The following LRRC4C variants were observed in gnomAD, a reference collection of about 807,000 sequenced individuals.
The protein encoded by LRRC4C is leucine-rich repeat-containing protein 4C.
Under a neutral mutation model 33.6 loss-of-function variants are expected in LRRC4C, and 5 were observed. The observed-to-expected ratio is 0.15, with a 90% CI of 0.08 to 0.31. LRRC4C has a LOEUF of 0.31. Among genes scored for constraint, LRRC4C ranks in the 10% least tolerant of loss-of-function variants. LRRC4C has a pLI of 1.00. For synonymous variants in LRRC4C, 329 were observed against 302.0 expected, an observed-to-expected ratio of 1.09 and a Z score of -0.93; for missense variants, 560 against 796.7, an observed-to-expected ratio of 0.70 and a Z score of 3.58.
chr11:41,438,070 TAATA>T (rs1955497166), intron 1 of LRRC4C, among the ~76,000 whole-genome samples: 2 of 148,558 alleles, frequency 1.3e-5, no homozygotes, highest in African/African-American at 5.0e-5. Context: ...AATAAATAAA[TAATA>T]AAAAAAAATA....
intron 2 of LRRC4C, among the ~76,000 whole-genome samples, chr11:40,735,270 C>G (rs1947799595): frequency 6.6e-6 from 1 of 152,006 alleles, no homozygotes; most frequent in Admixed American, 6.6e-5. Context: ...ATTAACTCGT[C>G]ATTTAGCATT....
At chr11:40,701,476 A>G (rs1462496657) in intron 2 of LRRC4C, among the ~76,000 whole-genome samples, 4 of 151,798 alleles carry the variant, frequency 2.6e-5, no homozygotes, top group Non-Finnish European at 5.9e-5. Flanking sequence ...TTATATTTTT[A>G]TTTGTCCTGG....
chr11:40,655,734 T>A (rs989173746), intron 2 of LRRC4C, among the ~76,000 whole-genome samples: 8 of 152,096 alleles, frequency 5.3e-5, no homozygotes, highest in Non-Finnish European at 5.9e-5. Context: ...ATTTGGCAGA[T>A]CTCAAAATCT....
chr11:41,268,839 C>T (rs1949232057), intron 1 of LRRC4C, among the ~76,000 whole-genome samples: 1 of 151,412 alleles, frequency 6.6e-6, no homozygotes. Flanking sequence ...TCTTCAGACA[C>T]TTGTTTTGAT....
At chr11:40,615,236 T>G (rs1565561749) in intron 3 of LRRC4C, among the ~76,000 whole-genome samples, 1 of 44,270 alleles carries the variant, frequency 2.3e-5, no homozygotes, top group Non-Finnish European at 4.4e-5. Flanking sequence ...CATTGATTTA[T>G]TTTATATATA....
chr11:41,262,476 G>A (rs1949014704), intron 1 of LRRC4C, among the ~76,000 whole-genome samples: 1 of 151,444 alleles, frequency 6.6e-6, no homozygotes, highest in Non-Finnish European at 1.5e-5. Context: ...CTACGTACTG[G>A]AATGATGAGT....
At chr11:40,287,575 C>T (rs1425829844) in intron 4 of LRRC4C, among the ~76,000 whole-genome samples, 1 of 151,974 alleles carries the variant, frequency 6.6e-6, no homozygotes, top group Non-Finnish European at 1.5e-5. Context: ...ACAAGATCAG[C>T]CTAATTAAAT....
At chr11:41,262,239 CCATT>C (rs981241403) in intron 1 of LRRC4C, among the ~76,000 whole-genome samples, 9 of 151,758 alleles carry the variant, frequency 5.9e-5, no homozygotes, top group Non-Finnish European at 1.3e-4. Context: ...ACAGATATGC[CCATT>C]CATTTTCATA....
chr11:41,135,772 T>C (rs543034146), intron 1 of LRRC4C, among the ~76,000 whole-genome samples: 1 of 152,304 alleles, frequency 6.6e-6, no homozygotes, highest in African/African-American at 2.4e-5. Context: ...TACTGTGTAA[T>C]GGAATAATAC....
At chr11:40,409,319 T>A (rs995142858) in intron 3 of LRRC4C, among the ~76,000 whole-genome samples, 7 of 151,480 alleles carry the variant, frequency 4.6e-5, no homozygotes, top group African/African-American at 1.5e-4. Flanking sequence ...GGAAAAAAAA[T>A]TCCATGAAAT....
intron 1 of LRRC4C, among the ~76,000 whole-genome samples, chr11:41,219,267 A>G (rs945142574): frequency 3.3e-5 from 5 of 152,150 alleles, no homozygotes; most frequent in African/African-American, 1.2e-4. Context: ...GGGATGAGAA[A>G]AGAGAGTTGC....
intron 1 of LRRC4C, among the ~76,000 whole-genome samples, chr11:40,969,773 A>C (rs1400860263): frequency 6.6e-6 from 1 of 152,164 alleles, no homozygotes; most frequent in East Asian, 1.9e-4. Flanking sequence ...AGAAATTAAA[A>C]ATTTTGTGAC....
At chr11:41,218,742 TCATATG>T (rs1271402089) in intron 1 of LRRC4C, among the ~76,000 whole-genome samples, 5 of 151,382 alleles carry the variant, frequency 3.3e-5, no homozygotes, top group African/African-American at 1.2e-4. Context: ...ATCTTAACTT[TCATATG>T]CATATGCATA....
intron 1 of LRRC4C, among the ~76,000 whole-genome samples, chr11:40,961,901 G>C (rs577561605): frequency 6.6e-6 from 1 of 151,544 alleles, no homozygotes; most frequent in Admixed American, 6.6e-5. Flanking sequence ...TTAAATTATA[G>C]CCCATGGGCC....
At chr11:40,990,954 A>T (rs1044406025) in intron 1 of LRRC4C, among the ~76,000 whole-genome samples, 1 of 152,008 alleles carries the variant, frequency 6.6e-6, no homozygotes, top group Non-Finnish European at 1.5e-5. Context: ...TGTCAGATGG[A>T]CTAGTTCCTG....
chr11:40,206,985 A>AACACAG (rs561374212), intron 5 of LRRC4C, among the ~76,000 whole-genome samples: 4 of 151,820 alleles, frequency 2.6e-5, no homozygotes, highest in East Asian at 3.9e-4. Flanking sequence ...AACAAACACA[A>AACACAG]CCCTAGACAG....
At chr11:40,863,081 G>A (rs2135863977) in intron 2 of LRRC4C, among the ~76,000 whole-genome samples, 1 of 152,324 alleles carries the variant, frequency 6.6e-6, no homozygotes, top group East Asian at 1.9e-4. Context: ...GAGGAAGATG[G>A]AATTATTATG....
intron 1 of LRRC4C, among the ~76,000 whole-genome samples, chr11:41,372,486 C>T (rs1022639426): frequency 3.7e-4 from 56 of 152,240 alleles, no homozygotes; most frequent in African/African-American, 1.3e-3. Flanking sequence ...CTTCAGCAGG[C>T]CACTTCAGAA....
intron 1 of LRRC4C, among the ~76,000 whole-genome samples, chr11:41,241,873 G>A (rs1335150334): frequency 6.6e-6 from 1 of 152,076 alleles, no homozygotes; most frequent in Non-Finnish European, 1.5e-5. Flanking sequence ...CTCTTCACTG[G>A]CAAATCAGAA....
Sources: allele counts gnomAD v4.1 joint callset (sites outside exome capture counted in the v4.1 genomes callset), GRCh38; gene constraint gnomAD v4.1.1; transcripts MANE v1.5; gene names NCBI Gene and HGNC (gene_info 2026-07-23, HGNC 2026-07-21).